Variants in SENP1 observed in about 807,000 individuals in gnomAD.
The protein encoded by SENP1 is sentrin-specific protease 1.
In SENP1, 21 loss-of-function variants were observed where a neutral mutation model predicts 93.0. The observed-to-expected ratio is 0.23, with a 90% CI of 0.16 to 0.33. SENP1 has a LOEUF of 0.33. Ranked by LOEUF, SENP1 falls within the 10% of genes least tolerant of loss-of-function variation. The probability of loss-of-function intolerance (pLI) is 1.00; values close to 1 mark genes in which losing one functional copy is unlikely to be tolerated. For synonymous variants in SENP1, 256 were observed against 259.6 expected (o/e 0.99, Z 0.13); for missense variants, 591 against 758.7 (o/e 0.78, Z 2.60).
chr12:48,049,498 T>C (rs1941630453), intron 13 of SENP1, among the ~76,000 whole-genome samples: 1 of 152,138 alleles, frequency 6.6e-6, no homozygotes, highest in African/African-American at 2.4e-5. Flanking sequence ...ATAATGCACA[T>C]TAGCAGTTAC....
chr12:48,050,129 G>A (rs1391386521), intron 13 of SENP1, among the ~76,000 whole-genome samples: 2 of 152,214 alleles, frequency 1.3e-5, no homozygotes, highest in African/African-American at 4.8e-5. Flanking sequence ...GCTGAGGTCA[G>A]GCCAGTGTCT....
chr12:48,072,654 C>G (rs180767225), intron 8 of SENP1, among the ~76,000 whole-genome samples: 2 of 152,166 alleles, frequency 1.3e-5, no homozygotes, highest in East Asian at 1.9e-4. Context: ...ACAAAAAACA[C>G]TACTTCCTTT....
At chr12:48,085,375 C>A (rs1202202637) in intron 5 of SENP1, 10 of 1,361,202 alleles carry the variant, frequency 7.3e-6, no homozygotes, top group Non-Finnish European at 8.3e-6. Flanking sequence ...AAGGACTCCA[C>A]CCTGCGGAGG....
chr12:48,075,940 C>CAACA (rs1436246564), intron 6 of SENP1, among the ~76,000 whole-genome samples: 1 of 152,128 alleles, frequency 6.6e-6, no homozygotes, highest in Non-Finnish European at 1.5e-5. Context: ...AATAGAGGAA[C>CAACA]AACACATGCA....
At chr12:48,095,246 T>C (rs1432114060) in intron 4 of SENP1, among the ~76,000 whole-genome samples, 1 of 152,008 alleles carries the variant, frequency 6.6e-6, no homozygotes, top group African/African-American at 2.4e-5. Context: ...TTTATCCTTA[T>C]AAAAATCCAG....
At chr12:48,089,174 TGAA>T in intron 4 of SENP1, 2 of 1,532,854 alleles carry the variant, frequency 1.3e-6, no homozygotes, top group Non-Finnish European at 8.8e-7. Context: ...TGAAAATTGA[TGAA>T]GGAGCTGAAT....
chr12:48,077,052 A>T (rs1470504920), intron 6 of SENP1, among the ~76,000 whole-genome samples: 1 of 152,128 alleles, frequency 6.6e-6, no homozygotes, highest in Non-Finnish European at 1.5e-5. Context: ...TTTAGCTCCC[A>T]CTTATAAGTG....
At chr12:48,048,216 T>C in intron 14 of SENP1, 136 bp from the exon 15 acceptor site, 1 of 622,370 alleles carries the variant, frequency 1.6e-6, no homozygotes. Context: ...TATTTTGCAT[T>C]ATATTATGCT....
intron 6 of SENP1, among the ~76,000 whole-genome samples, chr12:48,078,317 T>TATATATATATATATATATATA (rs1944242485): frequency 4.2e-5 from 3 of 70,740 alleles, no homozygotes; most frequent in Admixed American, 1.7e-4. Context: ...CTGTAGGATT[T>TATATATATATATATATATATA]TATATATATA....
intron 6 of SENP1, among the ~76,000 whole-genome samples, chr12:48,082,633 T>C (rs1408240635): frequency 6.6e-6 from 1 of 152,242 alleles, no homozygotes. Flanking sequence ...AGACGTACAT[T>C]AAATATGTAA....
intron 4 of SENP1, among the ~76,000 whole-genome samples, chr12:48,095,541 A>AAG (rs1454360830): frequency 1.3e-5 from 2 of 150,636 alleles, no homozygotes; most frequent in African/African-American, 4.9e-5. Flanking sequence ...GTGTCAAAAA[A>AAG]AAAAAAAAAA....
In SENP1 at chr12:48,074,676, C is replaced by T; in HGVS notation, c.656+14G>A. On this transcript the variant is annotated intron_variant, in intron 7 of 17. Coordinates refer to ENST00000549518, the MANE Select transcript of SENP1 (RefSeq NM_001267594.2). ...TAGAATTAAATTCATCTGAAATATG[C>T]TTCTGTGACTCACAGGTGTAAAGGA... 5.6e-6 allele frequency: 9 copies of T among 1,609,796 alleles called. No homozygotes were observed. Among genetic ancestry groups the T allele is most frequent in the Non-Finnish European group, 7.6e-6 (9 of 1,176,770 alleles).
chr12:48,095,535 C>CCAAAA (rs760623202), intron 4 of SENP1, among the ~76,000 whole-genome samples: 5 of 85,882 alleles, frequency 5.8e-5, no homozygotes, highest in African/African-American at 2.4e-4. Flanking sequence ...GACTCTGTGT[C>CCAAAA]AAAAAAAAAA....
At chr12:48,081,130 G>A (rs945432839) in intron 6 of SENP1, among the ~76,000 whole-genome samples, 126 of 152,184 alleles carry the variant, frequency 8.3e-4, no homozygotes, top group African/African-American at 3.0e-3. Flanking sequence ...GGCAGGCGAG[G>A]GTTAGGAGCC....
rs1203852251 is a variant in SENP1 at position 48,049,045 on chromosome 12, T to G, written c.1495A>C (p.Thr499Pro). 1 of 1,613,734 alleles carries G rather than the reference T, an allele frequency of 6.2e-7. No homozygotes were observed. The change falls in exon 14 of 18, where the codon ACT (threonine) becomes CCT (proline). Residue 499 changes from threonine to proline, a missense_variant. This residue lies in a region of SENP1 where 132 missense variants were observed against 230.1 expected (regional missense o/e 0.57). Coordinates refer to ENST00000549518, the MANE Select transcript of SENP1 (RefSeq NM_001267594.2). ...SVHAFNTFFFTKLKTAGYQAV... is the reference protein window; with the variant it reads ...SVHAFNTFFFPKLKTAGYQAV... ...TGATAACCAGCCGTTTTTAATTTAG[T>G]GAAGAAAAAGGTATTAAATGCATGC...
chr12:48,065,282 G>C, intron 11 of SENP1, 62 bp from the exon 12 acceptor site: 1 of 1,306,458 alleles, frequency 7.7e-7, no homozygotes, highest in East Asian at 2.5e-5. Flanking sequence ...CTTGATTTAT[G>C]ATAGGGTTAT....
intron 3 of SENP1, 114 bp downstream of exon 3, chr12:48,097,879 TA>T: frequency 3.1e-6 from 3 of 952,984 alleles, no homozygotes; most frequent in Non-Finnish European, 3.0e-6. Flanking sequence ...TTACTGATTC[TA>T]AAAAGTTTAT....
intron 13 of SENP1, among the ~76,000 whole-genome samples, chr12:48,060,388 G>A (rs150760037): frequency 2.3e-3 from 355 of 152,238 alleles, no homozygotes; most frequent in Non-Finnish European, 3.5e-3. Flanking sequence ...GAAACACAAA[G>A]CCTAAAGCAG....
rs766800774 is a variant in SENP1 at position 48,045,340 on chromosome 12, G to A, written c.1917C>T (p.Leu639=). 5.6e-6 allele frequency: 9 copies of A among 1,613,500 alleles called. No individual in the cohort carries two copies. The African/African-American group carries it at 1.1e-4, about 19-fold the overall frequency. Residue 639 remains leucine (L), a synonymous_variant, in exon 18 of 18, where the codon CTC becomes CTT. Coordinates refer to ENST00000549518, the MANE Select transcript of SENP1 (RefSeq NM_001267594.2). ...YFRKRMVWEI[L]HRKLL is the part of the protein sequence containing the mutation. ...ACAGTCTTCACAAGAGTTTTCGGTGGAGGATCTCCCAGACCATCCGCTTCC... is the reference window on the plus strand; with the variant it reads ...ACAGTCTTCACAAGAGTTTTCGGTGAAGGATCTCCCAGACCATCCGCTTCC...
Sources: gnomAD v4.1 joint callset for allele counts (sites outside exome capture counted in the v4.1 genomes callset) on GRCh38, gnomAD v4.1.1 for gene constraint, gnomAD v4.1.1 regional missense constraint, MANE v1.5 for transcripts, NCBI Gene and HGNC (gene_info 2026-07-23, HGNC 2026-07-21) for gene names.